Variants in SND1 observed in about 807,000 individuals in gnomAD.
SND1 encodes staphylococcal nuclease domain-containing protein 1.
Under a neutral mutation model 121.7 loss-of-function variants are expected in SND1, and 38 were observed. That is an observed-to-expected ratio of 0.31 (90% CI 0.24 to 0.41). The LOEUF is 0.41. Among genes scored for constraint, SND1 ranks in the 10% least tolerant of loss-of-function variants. SND1 has a pLI of 1.00. For synonymous variants in SND1, 401 were observed against 447.4 expected (o/e 0.90, Z 1.31); for missense variants, 868 against 1,184.6 (o/e 0.73, Z 3.92).
intron 15 of SND1, among the ~76,000 whole-genome samples, chr7:127,944,042 A>G (rs1219905316): frequency 1.3e-5 from 2 of 152,192 alleles, no homozygotes; most frequent in Non-Finnish European, 2.9e-5. Context: ...CCACTATGCC[A>G]TTGGCTCCTG....
At chr7:127,857,751 A>G (rs1584622383) in intron 12 of SND1, 1 of 621,930 alleles carries the variant, frequency 1.6e-6, no homozygotes, top group East Asian at 2.7e-5. Flanking sequence ...AAATTGACTG[A>G]AAAATGGCCT....
At chr7:128,066,493 T>G (rs1460641398) in intron 16 of SND1, among the ~76,000 whole-genome samples, 1 of 152,198 alleles carries the variant, frequency 6.6e-6, no homozygotes, top group African/African-American at 2.4e-5. Flanking sequence ...ATTGCCACAG[T>G]AGCACATGGA....
intron 14 of SND1, among the ~76,000 whole-genome samples, chr7:127,908,548 T>A (rs868146708): frequency 3.9e-5 from 6 of 152,218 alleles, no homozygotes; most frequent in Middle Eastern, 6.8e-3. Context: ...ATTTCTATCA[T>A]AGTCTAGTTT....
intron 15 of SND1, among the ~76,000 whole-genome samples, chr7:127,981,853 G>C (rs1332566706): frequency 1.3e-5 from 2 of 152,312 alleles, no homozygotes; most frequent in East Asian, 3.9e-4. Flanking sequence ...TAAGTCCTGA[G>C]AATAAGTAGT....
intron 21 of SND1, among the ~76,000 whole-genome samples, chr7:128,087,532 TG>T (rs1351568037): frequency 1.2e-4 from 18 of 152,184 alleles, no homozygotes; most frequent in African/African-American, 4.3e-4. Flanking sequence ...GGGAGACAAT[TG>T]TAACAGTCCA....
chr7:128,074,228 C>T (rs2117050095), intron 16 of SND1, among the ~76,000 whole-genome samples: 1 of 150,708 alleles, frequency 6.6e-6, no homozygotes, highest in Non-Finnish European at 1.5e-5. Flanking sequence ...CAGCTGCGCT[C>T]TCTCTCTCTC....
rs766822759 is a variant in SND1, at chr7:128,029,762, C to T, written c.1779+38706C>T. 4 of 1,613,556 alleles carry T rather than the reference C, an allele frequency of 2.5e-6. No homozygotes were observed. Among genetic ancestry groups the T allele is most frequent in the Admixed American group, 1.7e-5 (1 of 60,006 alleles). On this transcript the variant is annotated intron_variant, in intron 16 of 23. Coordinates refer to ENST00000354725, the MANE Select transcript of SND1 (RefSeq NM_014390.4). This position sits in a 1 kb window ranked among gnomAD's most constrained non-coding sequence, Gnocchi z 4.2. ...AAGGGTTGTGGTGTAGATGCAACTC[C>T]ACCAGGTACCTCAGCGGGGTAAAGA...
chr7:127,804,423 G>T (rs1798194799), intron 10 of SND1, among the ~76,000 whole-genome samples: 1 of 152,074 alleles, frequency 6.6e-6, no homozygotes, highest in Non-Finnish European at 1.5e-5. Flanking sequence ...TCATTCTTTT[G>T]AGGGTATTTT....
rs1793662354 is a variant in SND1 at position 128,084,859 on chromosome 7, G to C, written c.2234+12G>C. 1 of 1,585,510 alleles carries C rather than the reference G, an allele frequency of 6.3e-7. No individual in the cohort carries two copies. Among genetic ancestry groups the C allele is most frequent in the African/African-American group, 1.3e-5 (1 of 74,398 alleles). ...GTAGATGGAGAATGGTAAGCCACTT[G>C]GAAAAGCAAGGCAGAGTCTTGAGCA... On this transcript the variant is annotated intron_variant, in intron 19 of 23. Transcript: ENST00000354725.
chr7:127,972,865 C>G (rs1802031918), intron 15 of SND1, among the ~76,000 whole-genome samples: 1 of 152,228 alleles, frequency 6.6e-6, no homozygotes, highest in African/African-American at 2.4e-5. Flanking sequence ...CAGGCATGAG[C>G]CACCGCACCT....
chr7:127,937,649 G>C (rs766848788), intron 15 of SND1, among the ~76,000 whole-genome samples: 2 of 152,202 alleles, frequency 1.3e-5, no homozygotes, highest in Non-Finnish European at 2.9e-5. Flanking sequence ...GCCTTTGAAT[G>C]AAGTTCCTCA....
intron 16 of SND1, among the ~76,000 whole-genome samples, chr7:128,018,995 T>C (rs1161811239): frequency 6.6e-6 from 1 of 152,204 alleles, no homozygotes; most frequent in African/African-American, 2.4e-5. Flanking sequence ...TTACTTCCCA[T>C]GAACTTATTA....
intron 13 of SND1, among the ~76,000 whole-genome samples, chr7:127,893,878 T>A (rs1800063418): frequency 6.6e-6 from 1 of 152,032 alleles, no homozygotes; most frequent in African/African-American, 2.4e-5. Context: ...ACCCTCTTTC[T>A]AAAAAACAAA....
chr7:127,689,790 C>T (rs1442533473), intron 2 of SND1, among the ~76,000 whole-genome samples: 2 of 152,110 alleles, frequency 1.3e-5, no homozygotes, highest in Non-Finnish European at 2.9e-5. Context: ...ATCATTTCTC[C>T]TTCCTAATAA....
chr7:127,754,766 G>C (rs1203148802), intron 10 of SND1, among the ~76,000 whole-genome samples: 1 of 152,228 alleles, frequency 6.6e-6, no homozygotes, highest in Non-Finnish European at 1.5e-5. Flanking sequence ...AGACTTGATG[G>C]TTGGCCAGAT....
chr7:128,001,674 G>A (rs1254695482), intron 16 of SND1, among the ~76,000 whole-genome samples: 3 of 152,226 alleles, frequency 2.0e-5, no homozygotes, highest in African/African-American at 7.2e-5. Context: ...GCTCACGCCT[G>A]TAATCCCAGC....
intron 10 of SND1, among the ~76,000 whole-genome samples, chr7:127,794,580 C>G (rs138796047): frequency 5.3e-5 from 8 of 152,198 alleles, no homozygotes; most frequent in Non-Finnish European, 1.0e-4. Context: ...TGGGCTCACC[C>G]GCTCCTTCTG....
At chr7:127,660,512 C>T (rs1254303000) in intron 1 of SND1, among the ~76,000 whole-genome samples, 1 of 152,144 alleles carries the variant, frequency 6.6e-6, no homozygotes, top group Non-Finnish European at 1.5e-5. Context: ...TGCACAAGTA[C>T]AAGTTGAGTA....
rs533599664 is a variant in SND1, at chr7:128,078,651, A to G, written c.1969-2709A>G. On this transcript the variant is annotated intron_variant, in intron 17 of 23. Transcript: ENST00000354725. ...AAAGAAGCTCCACCCCACTCTCCCC[A>G]AGGAGGACACCTGATGCTGTCACCC... is the stretch of plus-strand genomic sequence containing the variant. Among the ~76,000 whole-genome samples, 4 of 152,326 alleles carry G rather than the reference A, an allele frequency of 2.6e-5. No homozygotes were observed. In the East Asian group the frequency reaches 7.7e-4, roughly 29 times the overall value.
Sources: gnomAD v4.1 joint callset for allele counts (sites outside exome capture counted in the v4.1 genomes callset) on GRCh38, gnomAD v4.1.1 for gene constraint, Gnocchi (gnomAD v3.1) non-coding constraint, MANE v1.5 for transcripts, NCBI Gene and HGNC (gene_info 2026-07-23, HGNC 2026-07-21) for gene names.